CLSPN: variants seen among roughly 807,000 people sequenced by gnomAD.
CLSPN encodes claspin homolog.
Under a neutral mutation model 156.3 loss-of-function variants are expected in CLSPN, and 85 were observed. The observed-to-expected ratio is 0.54, with a 90% CI of 0.46 to 0.65. CLSPN has a LOEUF of 0.65. Among genes scored for constraint, CLSPN ranks in the 30% least tolerant of loss-of-function variants. CLSPN has a pLI of 0.00. For missense variants in CLSPN, 1,407 were observed against 1,554.9 expected (o/e 0.90, Z 1.60); for synonymous variants, 534 against 542.4 (o/e 0.98, Z 0.22).
intron 1 of CLSPN, among the ~76,000 whole-genome samples, chr1:35,766,444 G>A (rs1391373308): frequency 1.3e-5 from 2 of 151,854 alleles, no homozygotes; most frequent in Non-Finnish European, 2.9e-5. Context: ...TATGCTATGT[G>A]TATATTTCTT....
intron 24 of CLSPN, among the ~76,000 whole-genome samples, chr1:35,721,520 T>G (rs1641073101): frequency 6.6e-6 from 1 of 152,178 alleles, no homozygotes; most frequent in Non-Finnish European, 1.5e-5. Flanking sequence ...CCCGAGTAGC[T>G]GGGGTTACAG....
chr1:35,737,228 T>C, intron 23 of CLSPN, 111 bp downstream of exon 23: 1 of 1,281,828 alleles, frequency 7.8e-7, no homozygotes, highest in Non-Finnish European at 1.1e-6. Flanking sequence ...ACATTAACTT[T>C]TTCCCTGCAG....
In CLSPN at chr1:35,752,582, GAAA is replaced by G. The variant is rs58271996; in HGVS notation, c.1772-1079_1772-1077del. 9.6e-4 allele frequency among the ~76,000 whole-genome samples: 65 copies of G among 67,854 alleles called. 1 individual carries two copies. Among genetic ancestry groups the G allele is most frequent in the East Asian group, 2.2e-3 (5 of 2,268 alleles). The allele number at this position is 67,854 out of a possible 152,430, so 44.5% of individuals were successfully genotyped here. Reference sequence around the variant, plus strand: ...GACAGTGCAGGACTCTGTCTTAGAGGAAAAAAAAAAAAAAAAAAAAAAGCCTCA... The same window carrying G: ...GACAGTGCAGGACTCTGTCTTAGAGGAAAAAAAAAAAAAAAAAAAGCCTCA... On this transcript the variant is annotated intron_variant, in intron 9 of 24. Transcript: ENST00000318121.
In CLSPN at chr1:35,734,748, C is replaced by T. The variant is rs2148611048; in HGVS notation, c.*1748G>A. On this transcript the variant is annotated 3_prime_UTR_variant, in exon 25 of 25. Transcript: ENST00000318121. Reference sequence around the variant, plus strand: ...GAAAAGAAAAACTGTAAAAAACCTACAACCTAATTGCATCAATTAAATTGG... The same window carrying T: ...GAAAAGAAAAACTGTAAAAAACCTATAACCTAATTGCATCAATTAAATTGG... The T allele has an allele frequency of 1.0e-6, 1 of 981,890 alleles. No individual in the cohort carries two copies. The highest frequency in any genetic ancestry group is 1.2e-6 in the Non-Finnish European group (1 of 827,208). 60.8% of individuals were successfully genotyped at this position (981,890 alleles called of 1,614,324 possible). A position where few individuals can be genotyped will look rare whatever the true frequency, so the allele number is the denominator to read the frequency against.
chr1:35,764,945 G>A (rs754214523), intron 2 of CLSPN, among the ~76,000 whole-genome samples: 9 of 152,170 alleles, frequency 5.9e-5, no homozygotes, highest in Non-Finnish European at 8.8e-5. Context: ...TTTACAATGT[G>A]TAAAGTTGTT....
chr1:35,725,120 C>G (rs1232858610), intron 24 of CLSPN, among the ~76,000 whole-genome samples: 1 of 152,154 alleles, frequency 6.6e-6, no homozygotes, highest in South Asian at 2.1e-4. Context: ...CACCTAAGGG[C>G]TCCGAGGGAA....
In CLSPN at chr1:35,769,785, C is replaced by T. The variant is rs375292408; in HGVS notation, c.24+62G>A. 8.6e-4 allele frequency: 1,300 copies of T among 1,514,452 alleles called. 1 individual carries two copies. The highest frequency in any genetic ancestry group is 1.1e-3 in the Non-Finnish European group (1,231 of 1,125,988). 93.8% of individuals were successfully genotyped at this position (1,514,452 alleles called of 1,614,324 possible). A position where few individuals can be genotyped will look rare whatever the true frequency, so the allele number is the denominator to read the frequency against. On this transcript the variant is annotated intron_variant, in intron 1 of 24. Coordinates refer to ENST00000318121, the MANE Select transcript of CLSPN (RefSeq NM_022111.4). ...CGGGTCAGCGGGGTCTACCCCGGCC[C>T]CACCTAACCTCTCGGTGCCCGGCCT...
intron 24 of CLSPN, among the ~76,000 whole-genome samples, chr1:35,724,477 A>C (rs1641136614): frequency 6.6e-6 from 1 of 152,210 alleles, no homozygotes; most frequent in Non-Finnish European, 1.5e-5. Flanking sequence ...TGGGGACAGC[A>C]GGGAAGTAAC....
At chr1:35,769,143 T>C (rs1039385685) in intron 1 of CLSPN, among the ~76,000 whole-genome samples, 2 of 152,202 alleles carry the variant, frequency 1.3e-5, no homozygotes, top group African/African-American at 2.4e-5. Flanking sequence ...AATTTTGGTT[T>C]TTTAAAAATA....
rs1436648481 is a variant in CLSPN, at chr1:35,762,407, C to A, written c.819G>T (p.Arg273Ser). The A allele has an allele frequency of 6.2e-7, 1 of 1,613,142 alleles. No individual in the cohort carries two copies. Among genetic ancestry groups the A allele is most frequent in the Non-Finnish European group, 8.5e-7 (1 of 1,179,258 alleles). Reference sequence around the variant, plus strand: ...AATATACAGGGCTCTACCTCACCTTCCTCGTGGTTCCTTTTGATAACTCAC... The same window carrying A: ...AATATACAGGGCTCTACCTCACCTTACTCGTGGTTCCTTTTGATAACTCAC... ...EGSELSKGTT[R>S]KERKAARLSK... The change falls in exon 5 of 25, where the codon AGG becomes AGT. Residue 273 changes from arginine to serine, a missense_variant. Arg to Ser is a moderately radical substitution (Grantham distance 110). Coordinates refer to ENST00000318121, the MANE Select transcript of CLSPN (RefSeq NM_022111.4).
At chr1:35,769,641 C>T (rs1250356347) in intron 1 of CLSPN, among the ~76,000 whole-genome samples, 2 of 152,148 alleles carry the variant, frequency 1.3e-5, no homozygotes. Context: ...GAGCCCGAAG[C>T]GCGGGAAGCC....
Position 35,732,490 on chromosome 1 carries a change from C to A in CLSPN, c.*4006G>T. The A allele has an allele frequency of 2.0e-6, 2 of 985,318 alleles. No homozygotes were observed. The highest frequency in any genetic ancestry group is 2.4e-6 in the Non-Finnish European group (2 of 829,922). The allele number at this position is 985,318 out of a possible 1,614,324, so 61.0% of individuals were successfully genotyped here. ...TCTCTAGAGCTTTGGTGAATAAAAT[C>A]TTATGGTTTATGGAAGAGACCCTAG... On this transcript the variant is annotated 3_prime_UTR_variant, in exon 25 of 25. Transcript: ENST00000318121.
chr1:35,763,724 C>T (rs550700297), intron 3 of CLSPN, among the ~76,000 whole-genome samples: 1 of 151,950 alleles, frequency 6.6e-6, no homozygotes, highest in Non-Finnish European at 1.5e-5. Flanking sequence ...AAATCAGAAA[C>T]CCATTTATTT....
chr1:35,744,127 T>C (rs1317655155), intron 16 of CLSPN, among the ~76,000 whole-genome samples: 3 of 152,208 alleles, frequency 2.0e-5, no homozygotes, highest in Non-Finnish European at 4.4e-5. Context: ...CTATACCCAT[T>C]ACACTCTCCA....
At position 35,747,981 on chromosome 1, in the gene CLSPN, T is replaced by C; in HGVS notation, c.2553A>G (p.Thr851=). The C allele has an allele frequency of 6.2e-7, 1 of 1,614,174 alleles. No individual in the cohort carries two copies. The highest frequency in any genetic ancestry group is 8.5e-7 in the Non-Finnish European group (1 of 1,180,020). ...GGAAGTCTCCTGCTCCTAGGAAAAG[T>C]GTCTTAGGCTCTGGGGAGGCGTTAT... is the stretch of plus-strand genomic sequence containing the variant. ...DLYNASPEPK[T]LFLGAGDFQF... Residue 851 remains threonine, a synonymous_variant, in exon 14 of 25, where the codon ACA becomes ACG. Transcript: ENST00000318121.
At chr1:35,759,895 G>A (rs1007503050) in intron 8 of CLSPN, among the ~76,000 whole-genome samples, 1 of 143,526 alleles carries the variant, frequency 7.0e-6, no homozygotes, top group Non-Finnish European at 1.5e-5. Context: ...GTGCAATGGT[G>A]CAGTCTCGGC....
intron 5 of CLSPN, 128 bp downstream of exon 5, chr1:35,762,276 C>A: frequency 1.1e-6 from 1 of 881,384 alleles, no homozygotes. Flanking sequence ...TTTGTTCCTA[C>A]TATGTACAAA....
chr1:35,738,666 T>C, intron 20 of CLSPN, 84 bp from the exon 21 acceptor site: 1 of 1,383,428 alleles, frequency 7.2e-7, no homozygotes, highest in Non-Finnish European at 1.0e-6. Flanking sequence ...ACCCTTATCA[T>C]TTACTATATA....
At chr1:35,743,377 G>T (rs1641761776) in intron 17 of CLSPN, 78 bp downstream of exon 17, 1 of 1,417,170 alleles carries the variant, frequency 7.1e-7, no homozygotes, top group Non-Finnish European at 9.9e-7. Context: ...GAATTCTCAA[G>T]AACTGAGGGG....
Sources: gnomAD v4.1 joint callset for allele counts (sites outside exome capture counted in the v4.1 genomes callset) on GRCh38, gnomAD v4.1.1 for gene constraint, MANE v1.5 for transcripts, NCBI Gene and HGNC (gene_info 2026-07-23, HGNC 2026-07-21) for gene names.